PKD1L1: variants seen among roughly 807,000 people sequenced by gnomAD.
The protein encoded by PKD1L1 is polycystin-1-like protein 1.
In PKD1L1, 236 loss-of-function variants were observed where a neutral mutation model predicts 323.4. That is an observed-to-expected ratio of 0.73 (90% CI 0.66 to 0.81). The LOEUF (loss-of-function observed/expected upper bound fraction) is 0.81. PKD1L1 is among the 40% of genes least tolerant of loss of function. The probability of loss-of-function intolerance (pLI) is 0.00; values close to 1 mark genes in which losing one functional copy is unlikely to be tolerated. For missense variants in PKD1L1, 3,320 were observed against 3,508.0 expected, an observed-to-expected ratio of 0.95 and a Z score of 1.35; for synonymous variants, 1,344 against 1,335.0, an observed-to-expected ratio of 1.01 and a Z score of -0.15.
chr7:47,925,566 T>A (rs1787641222), intron 7 of PKD1L1, among the ~76,000 whole-genome samples: 1 of 152,100 alleles, frequency 6.6e-6, no homozygotes. Flanking sequence ...GCCAAGGGCA[T>A]TCCAAAGTTA....
At chr7:47,818,315 G>A in intron 46 of PKD1L1, 1 of 704,532 alleles carries the variant, frequency 1.4e-6, no homozygotes, top group Non-Finnish European at 2.0e-6. Context: ...GGCTGGAGGT[G>A]AATTTTCAAC....
chr7:47,793,274 T>C (rs1268649935), intron 55 of PKD1L1, among the ~76,000 whole-genome samples: 1 of 152,174 alleles, frequency 6.6e-6, no homozygotes, highest in Non-Finnish European at 1.5e-5. Context: ...GATGCTTAAA[T>C]ATCACCTGAT....
At position 47,840,428 on chromosome 7, in the gene PKD1L1, T is replaced by G. The variant is rs766612160; in HGVS notation, c.5552+33A>C. 6.5e-7 allele frequency: 1 copy of G among 1,535,284 alleles called. No homozygotes were observed. The highest frequency in any genetic ancestry group is 9.0e-7 in the Non-Finnish European group (1 of 1,108,648). On this transcript the variant is annotated intron_variant, in intron 35 of 56. Transcript: ENST00000289672. The surrounding 1 kb of genome is among the most constrained non-coding windows in gnomAD (Gnocchi z 4.1). ...ACACCAATTCTGATTGGCCTCTCTT[T>G]CCCAAATCTAGCAGTGAAATATTTT...
At position 47,911,572 on chromosome 7, in the gene PKD1L1, C is replaced by A. The variant is rs547446114; in HGVS notation, c.1229-3322G>T. ...TGATGTGAAATAGAGATATACTTAG[C>A]CTTCTACTTAATCTTCTAGGAGTTA... is the stretch of plus-strand genomic sequence containing the variant. On this transcript the variant is annotated intron_variant, in intron 8 of 56. Transcript: ENST00000289672. 8.5e-4 allele frequency among the ~76,000 whole-genome samples: 130 copies of A among 152,256 alleles called. 1 individual carries two copies. Among genetic ancestry groups the A allele is most frequent in the Non-Finnish European group, 1.4e-3 (93 of 68,020 alleles).
intron 48 of PKD1L1, 46 bp downstream of exon 48, chr7:47,813,885 C>G: frequency 6.5e-7 from 1 of 1,536,086 alleles, no homozygotes; most frequent in Non-Finnish European, 9.0e-7. Flanking sequence ...CTAGACTTCT[C>G]TAATTCCATT....
chr7:47,931,142 G>T lies in PKD1L1; in HGVS notation c.699C>A (p.Pro233=). ...RPTQTSSQRV[P]LWPISHFPTS... Reference sequence around the variant, plus strand: ...TGGGAAAATGTGAAATCGGCCACAGGGGCACTCGCTGGGAGCTGGTCTGAG... The same window carrying T: ...TGGGAAAATGTGAAATCGGCCACAGTGGCACTCGCTGGGAGCTGGTCTGAG... Residue 233 remains proline (P), a synonymous_variant, in exon 6 of 57, where the codon CCC becomes CCA. Coordinates refer to ENST00000289672, the MANE Select transcript of PKD1L1 (RefSeq NM_138295.5). 6.2e-7 allele frequency: 1 copy of T among 1,614,180 alleles called. No homozygotes were observed. Among genetic ancestry groups the T allele is most frequent in the Non-Finnish European group, 8.5e-7 (1 of 1,180,032 alleles).
chr7:47,896,807 C>T (rs962939298), intron 14 of PKD1L1, among the ~76,000 whole-genome samples: 1 of 152,118 alleles, frequency 6.6e-6, no homozygotes, highest in African/African-American at 2.4e-5. Context: ...CCCACCACCC[C>T]GAGGTCCCCT....
At chr7:47,824,034 C>T (rs953503863) in intron 45 of PKD1L1, among the ~76,000 whole-genome samples, 1 of 152,220 alleles carries the variant, frequency 6.6e-6, no homozygotes, top group African/African-American at 2.4e-5. Flanking sequence ...TCTTGGTCCT[C>T]TGACAATGAC....
intron 7 of PKD1L1, among the ~76,000 whole-genome samples, chr7:47,917,911 A>T (rs1189121943): frequency 1.3e-5 from 2 of 151,858 alleles, no homozygotes; most frequent in Non-Finnish European, 2.9e-5. Context: ...AACTACAATT[A>T]AAAAAACCCA....
At chr7:47,945,804 C>T (rs1325744292) in intron 1 of PKD1L1, among the ~76,000 whole-genome samples, 2 of 152,100 alleles carry the variant, frequency 1.3e-5, no homozygotes, top group Non-Finnish European at 2.9e-5. Flanking sequence ...GTTCCGAGAC[C>T]CTCCCAGACA....
chr7:47,858,577 T>C (rs1785953322), intron 27 of PKD1L1, 96 bp downstream of exon 27: 1 of 1,139,720 alleles, frequency 8.8e-7, no homozygotes, highest in Non-Finnish European at 1.3e-6. Context: ...CAGAAACTGA[T>C]TCTGTTTTTG....
At chr7:47,841,479 T>A (rs1284557950) in intron 34 of PKD1L1, among the ~76,000 whole-genome samples, 1 of 152,208 alleles carries the variant, frequency 6.6e-6, no homozygotes, top group Non-Finnish European at 1.5e-5. Context: ...CTTTTCTACC[T>A]GAATTTTAGG....
intron 8 of PKD1L1, among the ~76,000 whole-genome samples, 195 bp from the exon 9 acceptor site, chr7:47,908,445 A>G (rs531087164): frequency 4.6e-5 from 7 of 152,322 alleles, no homozygotes; most frequent in Admixed American, 3.9e-4. Context: ...CCCTCACGCA[A>G]TGGAGCTATG....
intron 56 of PKD1L1, among the ~76,000 whole-genome samples, chr7:47,792,399 G>C (rs1015100083): frequency 6.6e-6 from 1 of 152,108 alleles, no homozygotes; most frequent in South Asian, 2.1e-4. Context: ...GAAATAAGGG[G>C]CAGACAGATA....
rs1562977280 is a variant in PKD1L1, at chr7:47,893,887, GC to G, written c.2443del (p.Ala815ArgfsTer51). 6.2e-7 allele frequency: 1 copy of G among 1,613,090 alleles called. No homozygotes were observed. The highest frequency in any genetic ancestry group is 1.1e-5 in the South Asian group (1 of 90,928). On this transcript the variant is annotated frameshift_variant, in exon 15 of 57. Coordinates refer to ENST00000289672, the MANE Select transcript of PKD1L1 (RefSeq NM_138295.5). LOFTEE classifies it high-confidence loss of function. ...TGGGGGTGGTGCTCACCTGAGAGTC[GC>G]CCCAGGGTCGTCAGGGTCGAAGGAC... The part of the protein sequence containing the change: ...TQSFDPDDPG[A>X]TLRYHWECAT...
chr7:47,792,729 G>C lies in PKD1L1; in HGVS notation c.8424C>G (p.Asp2808Glu), dbSNP rs199519634. 46 of 1,614,074 alleles carry C rather than the reference G, an allele frequency of 2.8e-5. 1 individual carries two copies. In the Admixed American group the frequency reaches 3.5e-4, roughly 12 times the overall value. The part of the protein sequence containing the change: ...ELLMKINGLS[D>E]SLQLPLLEKT... ...TTTCCAGAAGGGGGAGTTGTAGGCT[G>C]TCGGACAAACCATTAATCTTCATCA... Residue 2808 changes from aspartate to glutamate, a missense_variant, in exon 56 of 57, where the codon GAC (aspartate) becomes GAG (glutamate). Transcript: ENST00000289672.
intron 8 of PKD1L1, among the ~76,000 whole-genome samples, chr7:47,910,334 T>A (rs972726151): frequency 1.1e-4 from 16 of 147,182 alleles, no homozygotes; most frequent in Non-Finnish European, 2.1e-4. Flanking sequence ...TATCTTACTT[T>A]CTTTTTTTTT....
intron 8 of PKD1L1, among the ~76,000 whole-genome samples, chr7:47,911,166 G>A (rs1264488989): frequency 6.6e-6 from 1 of 152,140 alleles, no homozygotes; most frequent in Non-Finnish European, 1.5e-5. Flanking sequence ...TCCTTTGGTG[G>A]TGTCCTTGCG....
chr7:47,872,463 T>C (rs1163008584), intron 24 of PKD1L1, among the ~76,000 whole-genome samples: 1 of 152,170 alleles, frequency 6.6e-6, no homozygotes, highest in Non-Finnish European at 1.5e-5. Flanking sequence ...TGGAATAGAA[T>C]TGAGAATCAA....
Sources: allele counts gnomAD v4.1 joint callset (sites outside exome capture counted in the v4.1 genomes callset), GRCh38; gene constraint gnomAD v4.1.1; non-coding constraint Gnocchi (gnomAD v3.1); transcripts MANE v1.5; gene names NCBI Gene and HGNC (gene_info 2026-07-23, HGNC 2026-07-21).